EMILIN2: variants seen among roughly 807,000 people sequenced by gnomAD.
The protein encoded by EMILIN2 is EMILIN-2.
Under a neutral mutation model 87.1 loss-of-function variants are expected in EMILIN2, and 71 were observed. That is an observed-to-expected ratio of 0.82 (90% CI 0.67 to 0.99). The LOEUF is 0.99. Ranked by LOEUF, EMILIN2 falls within the 50% of genes least tolerant of loss-of-function variation. The pLI, the probability that EMILIN2 is intolerant of heterozygous loss-of-function variation, is 0.00. For synonymous variants in EMILIN2, 581 were observed against 563.4 expected (o/e 1.03, Z -0.44); for missense variants, 1,407 against 1,371.8 (o/e 1.03, Z -0.40).
intron 2 of EMILIN2, among the ~76,000 whole-genome samples, chr18:2,855,493 T>C (rs888900499): frequency 6.6e-6 from 1 of 152,202 alleles, no homozygotes; most frequent in African/African-American, 2.4e-5. Context: ...TTAGAACTTG[T>C]CTTAATTAAG....
rs1252024287 is a variant in EMILIN2, at chr18:2,892,553, A to AT, written c.2359+73dup. ...AGCACGCAACAACATTTTAAAAATA[A>AT]TTTTTTGTTCATTTTTGATATTGTT... On this transcript the variant is annotated intron_variant, in intron 4 of 7. Coordinates refer to ENST00000254528, the MANE Select transcript of EMILIN2 (RefSeq NM_032048.3). 6 of 1,500,354 alleles carry AT rather than the reference A, an allele frequency of 4.0e-6. No individual in the cohort carries two copies. The East Asian group carries it at 9.1e-5, about 23-fold the overall frequency. The allele number at this position is 1,500,354 out of a possible 1,614,324, so 92.9% of individuals were successfully genotyped here.
chr18:2,846,818 C>G (rs1465742272), upstream of EMILIN2: 2 of 985,286 alleles, frequency 2.0e-6, no homozygotes. This position sits in a 1 kb window ranked among gnomAD's most constrained non-coding sequence, Gnocchi z 5.3. Context: ...TAACGTAGAC[C>G]CTTATCCCAA....
At chr18:2,899,179 A>G (rs2076877051) in intron 4 of EMILIN2, among the ~76,000 whole-genome samples, 1 of 152,220 alleles carries the variant, frequency 6.6e-6, no homozygotes, top group Non-Finnish European at 1.5e-5. Context: ...TTAAATTTAT[A>G]ACTAAAAAAA....
intron 4 of EMILIN2, 123 bp from the exon 5 acceptor site, chr18:2,906,660 G>C (rs1054279006): frequency 1.3e-6 from 1 of 762,398 alleles, no homozygotes; most frequent in African/African-American, 1.8e-5. Context: ...TGACGTCGCA[G>C]GGGTGGCCGC....
intron 2 of EMILIN2, among the ~76,000 whole-genome samples, chr18:2,863,707 G>A (rs28748066): frequency 2.0e-5 from 3 of 152,164 alleles, no homozygotes; most frequent in South Asian, 2.1e-4. Context: ...TTGATTTGGG[G>A]TGGAGAGTTC....
intron 2 of EMILIN2, among the ~76,000 whole-genome samples, chr18:2,881,638 C>G (rs2076777231): frequency 6.6e-6 from 1 of 152,234 alleles, no homozygotes; most frequent in African/African-American, 2.4e-5. Context: ...CCTGGCTCAG[C>G]CTCCTCTGAG....
intron 2 of EMILIN2, among the ~76,000 whole-genome samples, chr18:2,850,550 C>T (rs695115): frequency 0.25 from 37,771 of 151,582 alleles, 5,069 homozygotes; most frequent in Non-Finnish European, 0.31. Flanking sequence ...GGATTACAAG[C>T]AGAAGTCACT....
intron 2 of EMILIN2, among the ~76,000 whole-genome samples, chr18:2,858,569 A>ACGTGTGTG (rs2076642450): frequency 1.8e-5 from 1 of 55,376 alleles, no homozygotes; most frequent in African/African-American, 1.2e-4. Context: ...ATATATATAT[A>ACGTGTGTG]TGTGTGTGTG....
chr18:2,877,133 G>A (rs568150448), intron 2 of EMILIN2, among the ~76,000 whole-genome samples: 1 of 152,324 alleles, frequency 6.6e-6, no homozygotes, highest in South Asian at 2.1e-4. Context: ...CATTGGAAGG[G>A]ATCTCCGGGG....
intron 4 of EMILIN2, among the ~76,000 whole-genome samples, chr18:2,905,451 G>A (rs2076905988): frequency 6.6e-6 from 1 of 151,794 alleles, no homozygotes; most frequent in African/African-American, 2.4e-5. Context: ...CGGGGTAATA[G>A]GGTATCTATT....
Position 2,852,550 on chromosome 18 carries a change from G to A in EMILIN2, c.257+4619G>A, listed in dbSNP as rs761710690. On this transcript the variant is annotated intron_variant, in intron 2 of 7. Coordinates refer to ENST00000254528, the MANE Select transcript of EMILIN2 (RefSeq NM_032048.3). ...TTTTTCTTTTTTGAGACAGGGTCTC[G>A]CTCTATTGCCCAGGCTGGAGCGCAG... Among the ~76,000 whole-genome samples the A allele has an allele frequency of 5.3e-5, 8 of 152,164 alleles. No individual in the cohort carries two copies. The East Asian group carries it at 5.8e-4, about 11-fold the overall frequency.
chr18:2,909,571 T>G, intron 6 of EMILIN2, 120 bp from the exon 7 acceptor site: 5 of 1,325,364 alleles, frequency 3.8e-6, no homozygotes, highest in Non-Finnish European at 5.2e-6. Flanking sequence ...CTTCACCACT[T>G]TGGGTGAAAT....
chr18:2,878,925 A>G (rs986388428), intron 2 of EMILIN2, among the ~76,000 whole-genome samples: 5 of 152,174 alleles, frequency 3.3e-5, no homozygotes, highest in African/African-American at 1.2e-4. Flanking sequence ...AGTGTCCCCA[A>G]GGGGGCAACG....
intron 4 of EMILIN2, among the ~76,000 whole-genome samples, chr18:2,895,555 G>A (rs940733136): frequency 2.0e-5 from 3 of 152,144 alleles, no homozygotes; most frequent in Admixed American, 6.5e-5. Context: ...AGCTTGAGTC[G>A]CCCACTCAGC....
intron 2 of EMILIN2, among the ~76,000 whole-genome samples, chr18:2,884,010 C>T (rs1447000820): frequency 1.3e-5 from 2 of 152,124 alleles, no homozygotes; most frequent in African/African-American, 4.8e-5. Context: ...GGCTGGAGTG[C>T]AGTGGCGCGA....
At chr18:2,902,709 G>A (rs1457707805) in intron 4 of EMILIN2, among the ~76,000 whole-genome samples, 1 of 152,124 alleles carries the variant, frequency 6.6e-6, no homozygotes, top group African/African-American at 2.4e-5. Context: ...GAAGATTTTT[G>A]AGCAAAAAAT....
intron 2 of EMILIN2, among the ~76,000 whole-genome samples, chr18:2,875,655 G>A (rs1203269939): frequency 7.0e-6 from 1 of 142,354 alleles, no homozygotes; most frequent in Non-Finnish European, 1.5e-5. Context: ...CTCCCACAGT[G>A]GAAGGCATGC....
intron 5 of EMILIN2, 125 bp downstream of exon 5, chr18:2,907,210 C>A: frequency 9.3e-7 from 1 of 1,070,408 alleles, no homozygotes; most frequent in Non-Finnish European, 1.2e-6. Flanking sequence ...TTCCGAAATG[C>A]AGCTTTGGAA....
intron 2 of EMILIN2, among the ~76,000 whole-genome samples, chr18:2,872,925 T>C (rs1225863032): frequency 6.6e-6 from 1 of 152,192 alleles, no homozygotes; most frequent in East Asian, 1.9e-4. Flanking sequence ...AAGTGAAGTC[T>C]TTTTGAGTCG....
Sources: allele counts gnomAD v4.1 joint callset (sites outside exome capture counted in the v4.1 genomes callset), GRCh38; gene constraint gnomAD v4.1.1; non-coding constraint Gnocchi (gnomAD v3.1); transcripts MANE v1.5; gene names NCBI Gene and HGNC (gene_info 2026-07-23, HGNC 2026-07-21).